The following ARHGAP26 variants were observed in gnomAD, a reference collection of about 807,000 sequenced individuals.
ARHGAP26 encodes the protein rho GTPase-activating protein 26.
A neutral mutation model predicts 104.8 loss-of-function variants in ARHGAP26; 38 were observed. The observed-to-expected ratio is 0.36, with a 90% confidence interval of 0.28 to 0.48. ARHGAP26 has a LOEUF of 0.48. ARHGAP26 is among the 20% of genes least tolerant of loss of function. The pLI is 0.99. For synonymous variants in ARHGAP26, 341 were observed against 340.0 expected (o/e 1.00, Z -0.03); for missense variants, 704 against 947.9 (o/e 0.74, Z 3.38).
intron 1 of ARHGAP26, among the ~76,000 whole-genome samples, chr5:142,821,840 C>A (rs1766257967): frequency 2.0e-5 from 3 of 152,114 alleles, no homozygotes; most frequent in Admixed American, 2.0e-4. Flanking sequence ...TGTAATAGTT[C>A]TCATCTTTGC....
In ARHGAP26 at chr5:143,010,104, A is replaced by G. The variant is rs1217816971; in HGVS notation, c.1108-3976A>G. ...AGTGGGCAACTGTGAGATCTGTAGA[A>G]GAAGGATAGCCCAGAGCAGACTGAC... On this transcript the variant is annotated intron_variant, in intron 11 of 22. Coordinates refer to ENST00000645722, the MANE Select transcript of ARHGAP26 (RefSeq NM_001135608.3). Among the ~76,000 whole-genome samples the G allele has an allele frequency of 2.6e-5, 4 of 152,362 alleles. No individual in the cohort carries two copies. In the East Asian group the frequency reaches 7.7e-4, roughly 29 times the overall value.
intron 20 of ARHGAP26, among the ~76,000 whole-genome samples, chr5:143,159,918 T>C (rs1396381221): frequency 1.8e-5 from 2 of 109,220 alleles, no homozygotes; most frequent in African/African-American, 6.1e-5. Flanking sequence ...CCTCTTGTGG[T>C]ATGGGATTTT....
In ARHGAP26 at chr5:142,770,644, C is replaced by T. The variant is rs1467222026; in HGVS notation, c.-118C>T. ...CGCGCGGAGTGAGCCAGCGCCACACCTGTGGAGCCGGCGGCCGTCGGGGGA... is the reference window on the plus strand; with the variant it reads ...CGCGCGGAGTGAGCCAGCGCCACACTTGTGGAGCCGGCGGCCGTCGGGGGA... On this transcript the variant is annotated 5_prime_UTR_variant, in exon 1 of 23. Coordinates refer to ENST00000645722, the MANE Select transcript of ARHGAP26 (RefSeq NM_001135608.3). 4.1e-6 allele frequency: 3 copies of T among 738,516 alleles called. No individual in the cohort carries two copies. Among genetic ancestry groups the T allele is most frequent in the African/African-American group, 1.9e-5 (1 of 52,598 alleles). The allele number at this position is 738,516 out of a possible 1,614,324, so 45.7% of individuals were successfully genotyped here. A position where few individuals can be genotyped will look rare whatever the true frequency, so the allele number is the denominator to read the frequency against.
At position 142,833,505 on chromosome 5, in the gene ARHGAP26, T is replaced by A. The variant is rs188564981; in HGVS notation, c.155-39895T>A. On this transcript the variant is annotated intron_variant, in intron 1 of 22. Coordinates refer to ENST00000645722, the MANE Select transcript of ARHGAP26 (RefSeq NM_001135608.3). Reference sequence around the variant, plus strand: ...GAGTGTTTCCTTTTTAAGTTTTTTTTAAACTATTTTAAAGAATATGATGGA... The same window carrying A: ...GAGTGTTTCCTTTTTAAGTTTTTTTAAAACTATTTTAAAGAATATGATGGA... Among the ~76,000 whole-genome samples, 291 of 152,378 alleles carry A rather than the reference T, an allele frequency of 1.9e-3. 2 individuals carry two copies. Among genetic ancestry groups the A allele is most frequent in the African/African-American group, 6.6e-3 (276 of 41,584 alleles).
chr5:142,794,050 A>G (rs1197729386), intron 1 of ARHGAP26, among the ~76,000 whole-genome samples: 1 of 152,222 alleles, frequency 6.6e-6, no homozygotes, highest in Non-Finnish European at 1.5e-5. Context: ...TTCTAACTGA[A>G]GACCTGCCAG....
At chr5:143,095,980 G>A (rs1440980206) in intron 17 of ARHGAP26, among the ~76,000 whole-genome samples, 2 of 152,036 alleles carry the variant, frequency 1.3e-5, no homozygotes, top group African/African-American at 4.8e-5. Context: ...AGATAATTTT[G>A]GATATTCTTT....
At chr5:143,000,616 T>C (rs748202413) in intron 11 of ARHGAP26, among the ~76,000 whole-genome samples, 1 of 152,210 alleles carries the variant, frequency 6.6e-6, no homozygotes, top group Non-Finnish European at 1.5e-5. Context: ...AGCAAAGACT[T>C]GGAACCAATT....
chr5:143,171,770 G>A (rs746451699), intron 20 of ARHGAP26, among the ~76,000 whole-genome samples: 7 of 152,040 alleles, frequency 4.6e-5, no homozygotes, highest in African/African-American at 1.4e-4. Flanking sequence ...TTGTCACTAC[G>A]CTTTCTTCCA....
At position 143,130,912 on chromosome 5, in the gene ARHGAP26, T is replaced by G. The variant is rs1351987063; in HGVS notation, c.1699-3055T>G. 2.6e-5 allele frequency among the ~76,000 whole-genome samples: 4 copies of G among 152,366 alleles called. No individual in the cohort carries two copies. The East Asian group carries it at 7.7e-4, about 29-fold the overall frequency. ...TGTAATAGTAATTATGATAATCACA[T>G]GTCTGGCACTGGACATTTTGCAGTG... On this transcript the variant is annotated intron_variant, in intron 18 of 22. Transcript: ENST00000645722.
intron 3 of ARHGAP26, among the ~76,000 whole-genome samples, chr5:142,875,831 C>G (rs1756000112): frequency 6.6e-6 from 1 of 152,140 alleles, no homozygotes; most frequent in Admixed American, 6.5e-5. Context: ...GCTTCAAACT[C>G]CTGGGCTCAA....
intron 1 of ARHGAP26, among the ~76,000 whole-genome samples, chr5:142,818,122 G>C (rs189719084): frequency 6.6e-6 from 1 of 152,074 alleles, no homozygotes; most frequent in African/African-American, 2.4e-5. Flanking sequence ...TTGGGTATTG[G>C]CAGGCTTCCT....
intron 1 of ARHGAP26, among the ~76,000 whole-genome samples, chr5:142,861,783 T>G (rs1753405342): frequency 6.6e-6 from 1 of 152,344 alleles, no homozygotes; most frequent in South Asian, 2.1e-4. Context: ...TTCCCTTTAG[T>G]GCCTTTTCAC....
intron 1 of ARHGAP26, among the ~76,000 whole-genome samples, chr5:142,828,163 G>A (rs141482301): frequency 2.4e-4 from 36 of 152,264 alleles, no homozygotes; most frequent in Middle Eastern, 3.4e-3. Context: ...CCTGGGAGCC[G>A]CTGGCAGATT....
intron 1 of ARHGAP26, among the ~76,000 whole-genome samples, chr5:142,792,008 G>A (rs1392848366): frequency 6.6e-6 from 1 of 151,098 alleles, no homozygotes; most frequent in Non-Finnish European, 1.5e-5. Flanking sequence ...AGCACAAATG[G>A]GAAGGTATAC....
intron 11 of ARHGAP26, among the ~76,000 whole-genome samples, chr5:142,936,108 AACACACACACACAC>A (rs149919795): frequency 3.6e-5 from 5 of 139,760 alleles, no homozygotes; most frequent in African/African-American, 1.1e-4. Flanking sequence ...AATCCCAAGG[AACACACACACACAC>A]ACACACACAC....
intron 1 of ARHGAP26, among the ~76,000 whole-genome samples, chr5:142,807,541 C>T (rs939477484): frequency 3.3e-5 from 5 of 152,238 alleles, no homozygotes; most frequent in South Asian, 2.1e-4. Context: ...AGGCAGCCCA[C>T]GGCTCTGGTG....
chr5:142,892,116 G>C (rs762806847), intron 5 of ARHGAP26, among the ~76,000 whole-genome samples: 4 of 151,934 alleles, frequency 2.6e-5, no homozygotes, highest in Non-Finnish European at 4.4e-5. Context: ...GTAAACTGTT[G>C]TTCTTATCAC....
intron 11 of ARHGAP26, among the ~76,000 whole-genome samples, chr5:143,008,403 A>G (rs770987217): frequency 1.1e-4 from 16 of 152,212 alleles, no homozygotes; most frequent in Non-Finnish European, 1.9e-4. Context: ...CCACTTTGTC[A>G]TGCAGAGGAG....
intron 10 of ARHGAP26, among the ~76,000 whole-genome samples, chr5:142,917,189 A>G (rs1283955877): frequency 2.6e-5 from 4 of 151,900 alleles, no homozygotes; most frequent in Non-Finnish European, 4.4e-5. Flanking sequence ...ACAGGCATGC[A>G]CCACCATGCC....
Sources: gnomAD v4.1 joint callset for allele counts (sites outside exome capture counted in the v4.1 genomes callset) on GRCh38, gnomAD v4.1.1 for gene constraint, MANE v1.5 for transcripts, NCBI Gene and HGNC (gene_info 2026-07-23, HGNC 2026-07-21) for gene names.